The following RBFOX1 variants were observed in gnomAD, a reference collection of about 807,000 sequenced individuals.
The protein encoded by RBFOX1 is RNA binding protein fox-1 homolog 1.
In RBFOX1, 8 loss-of-function variants were observed where a neutral mutation model predicts 57.7. That is an observed-to-expected ratio of 0.14 (90% confidence interval 0.08 to 0.25). The LOEUF (loss-of-function observed/expected upper bound fraction) is 0.25, where lower values mean the gene tolerates loss of function less well. Among genes scored for constraint, RBFOX1 ranks in the 10% least tolerant of loss-of-function variants. The pLI, the probability that RBFOX1 is intolerant of heterozygous loss-of-function variation, is 1.00. For missense variants in RBFOX1, 611 were observed against 548.5 expected (o/e 1.11, Z -1.14); for synonymous variants, 326 against 222.4 (o/e 1.47, Z -4.15).
intron 1 of RBFOX1, among the ~76,000 whole-genome samples, chr16:5,260,426 C>T (rs949676113): frequency 1.3e-5 from 2 of 151,988 alleles, no homozygotes; most frequent in Non-Finnish European, 2.9e-5. Context: ...ATTTTAAAAA[C>T]AAGAAGTAGC....
chr16:5,249,422 G>A (rs984439883), intron 1 of RBFOX1, among the ~76,000 whole-genome samples: 6 of 152,140 alleles, frequency 3.9e-5, no homozygotes, highest in South Asian at 2.1e-4. Context: ...AAAGCCTGTC[G>A]GCTTAAGTTG....
intron 10 of RBFOX1, among the ~76,000 whole-genome samples, chr16:7,615,618 A>G (rs1285699791): frequency 6.6e-6 from 1 of 152,020 alleles, no homozygotes; most frequent in Non-Finnish European, 1.5e-5. Flanking sequence ...GCTTTAGTTA[A>G]CCCAAGTCCT....
chr16:6,946,823 G>A (rs1045996253), intron 3 of RBFOX1, among the ~76,000 whole-genome samples: 1 of 152,094 alleles, frequency 6.6e-6, no homozygotes, highest in Non-Finnish European at 1.5e-5. Flanking sequence ...CCCAAGGCTG[G>A]TCTCCAGTTT....
At chr16:5,932,095 G>C (rs2059072331) in intron 4 of RBFOX1, among the ~76,000 whole-genome samples, 2 of 152,190 alleles carry the variant, frequency 1.3e-5, no homozygotes. Flanking sequence ...ATGAGCCACT[G>C]TGCCTGGCCT....
intron 3 of RBFOX1, among the ~76,000 whole-genome samples, chr16:5,812,761 G>A (rs1310223323): frequency 3.9e-5 from 6 of 152,022 alleles, no homozygotes; most frequent in South Asian, 2.1e-4. Flanking sequence ...CACCTTGCTC[G>A]GCCCAGTCTT....
chr16:6,452,370 C>G (rs1029477784), intron 2 of RBFOX1, among the ~76,000 whole-genome samples: 2 of 151,734 alleles, frequency 1.3e-5, no homozygotes, highest in Non-Finnish European at 2.9e-5. Flanking sequence ...TTCCCTGGCT[C>G]TCTTCTTTCC....
chr16:7,109,712 A>T (rs1320609334), intron 4 of RBFOX1, among the ~76,000 whole-genome samples: 1 of 152,132 alleles, frequency 6.6e-6, no homozygotes, highest in Non-Finnish European at 1.5e-5. Context: ...AAGGGTCTTG[A>T]GGTGGAAAAG....
chr16:6,388,423 T>C (rs150406964), intron 2 of RBFOX1, among the ~76,000 whole-genome samples: 1 of 152,308 alleles, frequency 6.6e-6, no homozygotes, highest in East Asian at 1.9e-4. Context: ...CAAGGTTCAA[T>C]GGCACCATTT....
chr16:6,722,438 C>G (rs1030628719), intron 3 of RBFOX1, among the ~76,000 whole-genome samples: 6 of 152,200 alleles, frequency 3.9e-5, no homozygotes, highest in African/African-American at 1.2e-4. Flanking sequence ...CTGGAAACAT[C>G]TCATTCTCTT....
chr16:6,422,678 C>T (rs555523007), intron 2 of RBFOX1, among the ~76,000 whole-genome samples: 14 of 152,162 alleles, frequency 9.2e-5, no homozygotes, highest in South Asian at 2.1e-4. Context: ...AGAGGGGCGG[C>T]GCTGAACGCT....
At position 6,448,156 on chromosome 16, in the gene RBFOX1, C is replaced by CTTTTTTTTTTTTTTTTTTTTTTTTTT; in HGVS notation, c.-64+131120_-64+131121insTTTTTTTTTTTTTTTTTTTTTTTTTT. On this transcript the variant is annotated intron_variant, in intron 2 of 15. Transcript: ENST00000550418. ...TTCTTTTTTTTCTTTTCTTTTCTTT[C>CTTTTTTTTTTTTTTTTTTTTTTTTTT]TTTTTTTTTTTTTTTTTTTTTGAGA... is the stretch of plus-strand genomic sequence containing the variant. Among the ~76,000 whole-genome samples, 101 of 78,460 alleles carry CTTTTTTTTTTTTTTTTTTTTTTTTTT rather than the reference C, an allele frequency of 1.3e-3. 3 individuals are homozygous for CTTTTTTTTTTTTTTTTTTTTTTTTTT. Among genetic ancestry groups the CTTTTTTTTTTTTTTTTTTTTTTTTTT allele is most frequent in the Non-Finnish European group, 1.6e-3 (71 of 45,474 alleles). The allele number at this position is 78,460 out of a possible 152,430, so 51.5% of individuals were successfully genotyped here. A position where few individuals can be genotyped will look rare whatever the true frequency, so the allele number is the denominator to read the frequency against.
intron 4 of RBFOX1, among the ~76,000 whole-genome samples, chr16:7,181,247 C>T (rs973099243): frequency 2.6e-5 from 4 of 152,158 alleles, no homozygotes; most frequent in Admixed American, 2.6e-4. Flanking sequence ...CCCCGATGAG[C>T]ATGGTCATGA....
intron 1 of RBFOX1, among the ~76,000 whole-genome samples, chr16:5,463,659 ACGTG>A (rs1294933089): frequency 1.3e-5 from 2 of 151,854 alleles, no homozygotes; most frequent in Admixed American, 1.3e-4. Context: ...AATTAGCCAG[ACGTG>A]CTGACACACA....
At chr16:5,282,947 C>T (rs1287983124) in intron 1 of RBFOX1, among the ~76,000 whole-genome samples, 2 of 152,180 alleles carry the variant, frequency 1.3e-5, no homozygotes, top group Non-Finnish European at 1.5e-5. Context: ...GCAGCCCCAC[C>T]CATCAAAGGC....
intron 4 of RBFOX1, among the ~76,000 whole-genome samples, chr16:7,465,132 G>C (rs1024502378): frequency 1.1e-4 from 16 of 152,124 alleles, no homozygotes; most frequent in Non-Finnish European, 2.1e-4. Context: ...TTCTACGTCA[G>C]GGGCTTTGCA....
intron 3 of RBFOX1, among the ~76,000 whole-genome samples, chr16:5,723,404 AG>A (rs992609452): frequency 4.2e-5 from 3 of 71,632 alleles, no homozygotes; most frequent in African/African-American, 1.6e-4. Context: ...GGCTATCTCA[AG>A]CTTGGGCTGG....
chr16:5,674,246 C>A (rs1166898861), intron 3 of RBFOX1, among the ~76,000 whole-genome samples: 1 of 152,162 alleles, frequency 6.6e-6, no homozygotes, highest in Non-Finnish European at 1.5e-5. Context: ...TCTTTTAAAG[C>A]AATTGAATTT....
intron 1 of RBFOX1, among the ~76,000 whole-genome samples, chr16:6,159,507 G>A (rs1347534174): frequency 1.3e-5 from 2 of 152,168 alleles, no homozygotes; most frequent in African/African-American, 4.8e-5. Flanking sequence ...AGTGCTTGAA[G>A]GCAGAAGCCA....
In RBFOX1 at chr16:6,633,815, C is replaced by A. The variant is rs558831226; in HGVS notation, c.-63-20788C>A. 3.9e-5 allele frequency among the ~76,000 whole-genome samples: 6 copies of A among 152,116 alleles called. 1 individual carries two copies. The South Asian group carries it at 8.3e-4, about 21-fold the overall frequency. The stretch of plus-strand genomic sequence containing the variant: ...CTTGAGTTGAGGAGTTTGAGACTAG[C>A]CTGGGCAACACGGAAAGATGTATCT... On this transcript the variant is annotated intron_variant, in intron 2 of 15. Transcript: ENST00000550418.
Sources: allele counts gnomAD v4.1 joint callset (sites outside exome capture counted in the v4.1 genomes callset), GRCh38; gene constraint gnomAD v4.1.1; transcripts MANE v1.5; gene names NCBI Gene and HGNC (gene_info 2026-07-23, HGNC 2026-07-21).